Variants in PCBP3 observed in about 807,000 individuals in gnomAD.
PCBP3 encodes the protein poly(rC) binding protein 3.
Under a neutral mutation model 52.7 loss-of-function variants are expected in PCBP3, and 25 were observed. That is an observed-to-expected ratio of 0.47 (90% confidence interval 0.35 to 0.66). The LOEUF (loss-of-function observed/expected upper bound fraction) is 0.66. Among genes scored for constraint, PCBP3 ranks in the 30% least tolerant of loss-of-function variants. The pLI, the probability that PCBP3 is intolerant of heterozygous loss-of-function variation, is 0.01. For missense variants in PCBP3, 391 were observed against 490.3 expected, an observed-to-expected ratio of 0.80 and a Z score of 1.91; for synonymous variants, 162 against 183.0, an observed-to-expected ratio of 0.89 and a Z score of 0.93.
intron 4 of PCBP3, among the ~76,000 whole-genome samples, chr21:45,766,483 G>A (rs909079431): frequency 6.6e-6 from 1 of 152,238 alleles, no homozygotes; most frequent in East Asian, 1.9e-4. Context: ...GCAGCCATCT[G>A]CAAAACCGAG....
At chr21:45,770,677 TGAAAGTAGCA>T (rs2089791718) in intron 4 of PCBP3, among the ~76,000 whole-genome samples, 1 of 152,244 alleles carries the variant, frequency 6.6e-6, no homozygotes. Context: ...GAGCTGGATG[TGAAAGTAGCA>T]GGAGGCAGAG....
intron 16 of PCBP3, among the ~76,000 whole-genome samples, chr21:45,936,656 T>TAAAGCCACC (rs2076928966): frequency 6.6e-6 from 1 of 152,254 alleles, no homozygotes; most frequent in African/African-American, 2.4e-5. Context: ...CTCCAGGTAG[T>TAAAGCCACC]AAAGCCACCA....
intron 2 of PCBP3, among the ~76,000 whole-genome samples, chr21:45,709,019 C>T (rs911364581): frequency 3.3e-5 from 5 of 152,302 alleles, no homozygotes; most frequent in East Asian, 3.9e-4. Context: ...TGCTTGCTAG[C>T]GGCAGAACTT....
In PCBP3 at chr21:45,736,746, C is replaced by T. The variant is rs983726033; in HGVS notation, c.-162+1317C>T. ...CAAAGACTTTGTTTGTTCCTTCATT[C>T]GTTCAGCACATGTTTACAGTGTGCC... On this transcript the variant is annotated intron_variant, in intron 3 of 17. Coordinates refer to ENST00000681687, the MANE Select transcript of PCBP3 (RefSeq NM_001384156.1). This position sits in a 1 kb window ranked among gnomAD's most constrained non-coding sequence, Gnocchi z 4.6. Among the ~76,000 whole-genome samples, 25 of 152,188 alleles carry T rather than the reference C, an allele frequency of 1.6e-4. No homozygotes were observed. The highest frequency in any genetic ancestry group is 6.0e-4 in the African/African-American group (25 of 41,428).
rs1057322164 is a variant in PCBP3, at chr21:45,853,637, G to A, written c.10+3542G>A. Among the ~76,000 whole-genome samples, 2 of 152,172 alleles carry A rather than the reference G, an allele frequency of 1.3e-5. No individual in the cohort carries two copies. ...GGCTGAAGTGTTTGCATTTGATTTAGTTCTAGGAAGACCTTAGGTTTCTTC... is the reference window on the plus strand; with the variant it reads ...GGCTGAAGTGTTTGCATTTGATTTAATTCTAGGAAGACCTTAGGTTTCTTC... On this transcript the variant is annotated intron_variant, in intron 5 of 17. Coordinates refer to ENST00000681687, the MANE Select transcript of PCBP3 (RefSeq NM_001384156.1). The surrounding 1 kb of genome is among the most constrained non-coding windows in gnomAD (Gnocchi z 4.6).
chr21:45,673,188 A>T (rs539926382), intron 2 of PCBP3, among the ~76,000 whole-genome samples: 1 of 152,202 alleles, frequency 6.6e-6, no homozygotes, highest in Admixed American at 6.5e-5. Context: ...ATAATTTGAA[A>T]GAAGAAAATT....
At position 45,935,792 on chromosome 21, in the gene PCBP3, G is replaced by A. The variant is rs183847124; in HGVS notation, c.909+487G>A. ...CTTGTCTAGATTCCTTCTAGCACTC[G>A]TCAGTCTATTCATGCCTTCAGCATA... On this transcript the variant is annotated intron_variant, in intron 16 of 17. Coordinates refer to ENST00000681687, the MANE Select transcript of PCBP3 (RefSeq NM_001384156.1). Among the ~76,000 whole-genome samples the A allele has an allele frequency of 1.2e-3, 189 of 152,378 alleles. 3 individuals carry two copies. The highest frequency in any genetic ancestry group is 4.1e-3 in the African/African-American group (171 of 41,580).
chr21:45,904,113 C>T lies in PCBP3; in HGVS notation c.339+3000C>T, dbSNP rs1054578455. ...TTTGGGAAGATGTCATGGGAAGCAG[C>T]CGTAACCTACGCTATTACGTAGGTT... On this transcript the variant is annotated intron_variant, in intron 9 of 17. Transcript: ENST00000681687. The surrounding 1 kb of genome is among the most constrained non-coding windows in gnomAD (Gnocchi z 4.8). Among the ~76,000 whole-genome samples, 2 of 152,134 alleles carry T rather than the reference C, an allele frequency of 1.3e-5. No individual in the cohort carries two copies. Among genetic ancestry groups the T allele is most frequent in the African/African-American group, 4.8e-5 (2 of 41,432 alleles).
At chr21:45,692,344 T>A (rs1441419506) in intron 2 of PCBP3, among the ~76,000 whole-genome samples, 2 of 152,124 alleles carry the variant, frequency 1.3e-5, no homozygotes, top group East Asian at 3.9e-4. Flanking sequence ...CAAAAGCTGG[T>A]TCTTTGAAAA....
chr21:45,885,520 T>C, intron 5 of PCBP3, among the ~76,000 whole-genome samples: 1 of 152,202 alleles, frequency 6.6e-6, no homozygotes. Flanking sequence ...CCTAAGGACA[T>C]GAATGTTAGG....
intron 4 of PCBP3, among the ~76,000 whole-genome samples, chr21:45,790,597 C>A (rs2091474731): frequency 6.6e-6 from 1 of 152,090 alleles, no homozygotes; most frequent in South Asian, 2.1e-4. Flanking sequence ...GGCGCCCCTG[C>A]CTTGGCAGGC....
chr21:45,716,833 T>C (rs1281217091), intron 2 of PCBP3, among the ~76,000 whole-genome samples: 1 of 152,190 alleles, frequency 6.6e-6, no homozygotes, highest in Non-Finnish European at 1.5e-5. Flanking sequence ...TAAGATTGTT[T>C]TGGCTATTCT....
At chr21:45,900,186 C>G (rs911447932) in intron 7 of PCBP3, among the ~76,000 whole-genome samples, 1 of 152,184 alleles carries the variant, frequency 6.6e-6, no homozygotes, top group African/African-American at 2.4e-5. Flanking sequence ...CCGGCTTCCT[C>G]CCAAACGCTT....
At chr21:45,650,175 C>A (rs550336508) in intron 1 of PCBP3, among the ~76,000 whole-genome samples, 19 of 150,686 alleles carry the variant, frequency 1.3e-4, no homozygotes, top group East Asian at 1.9e-4. Context: ...AAAAAAAAAA[C>A]CAAAGAAAAA....
chr21:45,684,503 C>G (rs1314530617), intron 2 of PCBP3, among the ~76,000 whole-genome samples: 1 of 152,150 alleles, frequency 6.6e-6, no homozygotes, highest in Non-Finnish European at 1.5e-5. Context: ...GATCCCTCAT[C>G]AATGGCTTGG....
intron 4 of PCBP3, among the ~76,000 whole-genome samples, chr21:45,814,852 G>A (rs1260358770): frequency 8.2e-6 from 1 of 122,628 alleles, no homozygotes; most frequent in African/African-American, 3.6e-5. Flanking sequence ...ATGAGTGAGT[G>A]GTGAGTGATG....
intron 4 of PCBP3, among the ~76,000 whole-genome samples, chr21:45,769,410 T>C (rs2089663264): frequency 6.6e-6 from 1 of 152,242 alleles, no homozygotes; most frequent in Admixed American, 6.5e-5. Context: ...CACGCAGGGC[T>C]GTCTGCTGCC....
chr21:45,658,089 T>C (rs1015646165), intron 1 of PCBP3, among the ~76,000 whole-genome samples: 3 of 152,204 alleles, frequency 2.0e-5, no homozygotes, highest in Non-Finnish European at 2.9e-5. Context: ...CTTCTATCCC[T>C]ATTTTGTTGA....
intron 1 of PCBP3, among the ~76,000 whole-genome samples, chr21:45,647,006 C>A (rs1165462814): frequency 6.6e-6 from 1 of 152,020 alleles, no homozygotes; most frequent in South Asian, 2.1e-4. Context: ...TGAATCTTTT[C>A]TTTCTCTTGA....
Sources: gnomAD v4.1 joint callset for allele counts (sites outside exome capture counted in the v4.1 genomes callset) on GRCh38, gnomAD v4.1.1 for gene constraint, Gnocchi (gnomAD v3.1) non-coding constraint, MANE v1.5 for transcripts, NCBI Gene and HGNC (gene_info 2026-07-23, HGNC 2026-07-21) for gene names.